TMEM108: variants seen among roughly 807,000 people sequenced by gnomAD.
The protein encoded by TMEM108 is cancer/testis antigen 124.
A neutral mutation model predicts 35.1 loss-of-function variants in TMEM108; 12 were observed. The observed-to-expected ratio is 0.34, with a 90% CI of 0.22 to 0.55. The LOEUF (loss-of-function observed/expected upper bound fraction) is 0.55, where lower values mean the gene tolerates loss of function less well. Among genes scored for constraint, TMEM108 ranks in the 20% least tolerant of loss-of-function variants. The probability of loss-of-function intolerance (pLI) is 0.89; values close to 1 mark genes in which losing one functional copy is unlikely to be tolerated. For synonymous variants in TMEM108, 287 were observed against 308.6 expected (o/e 0.93, Z 0.73); for missense variants, 680 against 753.3 (o/e 0.90, Z 1.14).
At chr3:133,056,459 G>A (rs899568603) in intron 2 of TMEM108, among the ~76,000 whole-genome samples, 3 of 152,158 alleles carry the variant, frequency 2.0e-5, no homozygotes, top group South Asian at 4.1e-4. Flanking sequence ...TTTTTAGAAT[G>A]GGAATCATAA....
At chr3:133,070,732 C>T (rs1943664838) in intron 2 of TMEM108, among the ~76,000 whole-genome samples, 1 of 131,672 alleles carries the variant, frequency 7.6e-6, no homozygotes, top group Admixed American at 8.0e-5. Context: ...GCAGTGAATG[C>T]TTTCTCTGAT....
intron 2 of TMEM108, among the ~76,000 whole-genome samples, chr3:133,206,464 T>TA (rs112206090): frequency 0.015 from 2,281 of 152,322 alleles, 75 homozygotes; most frequent in African/African-American, 0.051. Flanking sequence ...TTGATGTTGG[T>TA]ACCTATGGAT....
chr3:133,196,630 G>C (rs6439388), intron 2 of TMEM108, among the ~76,000 whole-genome samples: 114,159 of 152,116 alleles, frequency 0.75, 43,076 homozygotes, highest in East Asian at 0.95. Context: ...GCATTCAGCA[G>C]TGTCAGAGAA....
intron 3 of TMEM108, among the ~76,000 whole-genome samples, chr3:133,275,821 A>AC (rs1946831213): frequency 6.6e-6 from 1 of 152,174 alleles, no homozygotes; most frequent in Admixed American, 6.5e-5. Context: ...GGAAAAAAAA[A>AC]CTTTCATTTT....
At position 133,291,544 on chromosome 3, in the gene TMEM108, C is replaced by T. The variant is rs1947069100; in HGVS notation, c.40+62193C>T. Among the ~76,000 whole-genome samples the T allele has an allele frequency of 2.0e-5, 3 of 152,026 alleles. No homozygotes were observed. In the South Asian group the frequency reaches 6.2e-4, roughly 32 times the overall value. ...CCTCCCACCTGGGGCTCCCAAAGTG[C>T]TGGGATTACAGGCGTGAGCCAGCAC... On this transcript the variant is annotated intron_variant, in intron 3 of 5. Transcript: ENST00000321871.
At chr3:133,129,749 G>A (rs1223882939) in intron 2 of TMEM108, among the ~76,000 whole-genome samples, 2 of 152,074 alleles carry the variant, frequency 1.3e-5, no homozygotes, top group Non-Finnish European at 2.9e-5. Flanking sequence ...TAACCACCCT[G>A]TGAATAGATA....
chr3:133,235,415 G>A (rs570436417), intron 3 of TMEM108, among the ~76,000 whole-genome samples: 1 of 152,104 alleles, frequency 6.6e-6, no homozygotes, highest in Non-Finnish European at 1.5e-5. Context: ...ATATAGATCA[G>A]TGGAACAGAA....
chr3:133,225,207 C>T lies in TMEM108; in HGVS notation c.-46-4059C>T, dbSNP rs368509764. Among the ~76,000 whole-genome samples, 33 of 152,018 alleles carry T rather than the reference C, an allele frequency of 2.2e-4. No individual in the cohort carries two copies. The South Asian group carries it at 4.2e-3, about 19-fold the overall frequency. Reference sequence around the variant, plus strand: ...GACTACAGGTGCGTGCCACCATGCCCGGCTAATTTTTTGTATTTTTAGTAG... The same window carrying T: ...GACTACAGGTGCGTGCCACCATGCCTGGCTAATTTTTTGTATTTTTAGTAG... On this transcript the variant is annotated intron_variant, in intron 2 of 5. Coordinates refer to ENST00000321871, the MANE Select transcript of TMEM108 (RefSeq NM_023943.4).
chr3:133,214,370 G>C (rs1005900231), intron 2 of TMEM108, among the ~76,000 whole-genome samples: 1 of 152,086 alleles, frequency 6.6e-6, no homozygotes, highest in Non-Finnish European at 1.5e-5. Flanking sequence ...TGTGATGTTA[G>C]TCACTTCTGT....
intron 3 of TMEM108, among the ~76,000 whole-genome samples, chr3:133,327,483 T>C (rs1448483717): frequency 6.6e-6 from 1 of 152,088 alleles, no homozygotes; most frequent in East Asian, 1.9e-4. Context: ...CAGCATCAGG[T>C]CGTACTAATG....
At chr3:133,276,679 G>C (rs1349236747) in intron 3 of TMEM108, among the ~76,000 whole-genome samples, 4 of 152,100 alleles carry the variant, frequency 2.6e-5, no homozygotes, top group African/African-American at 9.7e-5. Context: ...ATATGGGGTG[G>C]GAAGTGGTGG....
intron 2 of TMEM108, among the ~76,000 whole-genome samples, chr3:133,228,213 A>G (rs1486121346): frequency 6.6e-6 from 1 of 152,052 alleles, no homozygotes; most frequent in Non-Finnish European, 1.5e-5. Context: ...TTAAAGATAG[A>G]TAGATAGTTC....
At position 133,140,771 on chromosome 3, in the gene TMEM108, A is replaced by T. The variant is rs1337285742; in HGVS notation, c.-46-88495A>T. ...TAGAAACATATCACAGTACCAGAAG[A>T]CAGAAAATTAAAATGAAGTCTGGCT... On this transcript the variant is annotated intron_variant, in intron 2 of 5. Transcript: ENST00000321871. 4.6e-5 allele frequency among the ~76,000 whole-genome samples: 7 copies of T among 150,852 alleles called. No individual in the cohort carries two copies. The Admixed American group carries it at 4.7e-4, about 10-fold the overall frequency.
At chr3:133,208,515 T>C (rs762376917) in intron 2 of TMEM108, among the ~76,000 whole-genome samples, 7 of 152,158 alleles carry the variant, frequency 4.6e-5, no homozygotes, top group African/African-American at 7.2e-5. Context: ...CCATGGTTAG[T>C]AGGCATTTAT....
chr3:133,352,571 A>G (rs1000362605), intron 3 of TMEM108, among the ~76,000 whole-genome samples: 2 of 152,152 alleles, frequency 1.3e-5, no homozygotes, highest in Non-Finnish European at 2.9e-5. Flanking sequence ...GGTTCCCACA[A>G]CCCCTTCCTC....
intron 3 of TMEM108, among the ~76,000 whole-genome samples, chr3:133,243,560 A>G (rs6788644): frequency 5.0e-4 from 76 of 151,762 alleles, no homozygotes; most frequent in Admixed American, 1.4e-3. Context: ...TCGTTCTGTC[A>G]CCCAGGCTGG....
intron 3 of TMEM108, among the ~76,000 whole-genome samples, chr3:133,343,434 T>A (rs1340991573): frequency 1.3e-5 from 2 of 151,970 alleles, no homozygotes; most frequent in Non-Finnish European, 2.9e-5. Context: ...TAGCTTACAG[T>A]AGCTTTATTC....
chr3:133,211,162 AG>A (rs1311424920), intron 2 of TMEM108, among the ~76,000 whole-genome samples: 1 of 152,190 alleles, frequency 6.6e-6, no homozygotes, highest in African/African-American at 2.4e-5. Flanking sequence ...CACATGCTGA[AG>A]TGTATTGCCT....
At position 133,309,364 on chromosome 3, in the gene TMEM108, A is replaced by C. The variant is rs569436355; in HGVS notation, c.41-70388A>C. The stretch of plus-strand genomic sequence containing the variant: ...GGTTTTTTGTGTGTCTATCTCTTTC[A>C]GTTCTGCTGTGATCTTAGTTATTTC... On this transcript the variant is annotated intron_variant, in intron 3 of 5. Transcript: ENST00000321871. Among the ~76,000 whole-genome samples the C allele has an allele frequency of 3.4e-4, 52 of 152,030 alleles. 1 individual carries two copies. Among genetic ancestry groups the C allele is most frequent in the African/African-American group, 1.2e-3 (51 of 41,478 alleles).
Sources: gnomAD v4.1 joint callset for allele counts (sites outside exome capture counted in the v4.1 genomes callset) on GRCh38, gnomAD v4.1.1 for gene constraint, MANE v1.5 for transcripts, NCBI Gene and HGNC (gene_info 2026-07-23, HGNC 2026-07-21) for gene names.